The following TAF1 variants were observed in gnomAD, a reference collection of about 807,000 sequenced individuals.
TAF1 encodes transcription initiation factor TFIID subunit 1.
Under a neutral mutation model 138.5 loss-of-function variants are expected in TAF1, and 2 were observed. That is an observed-to-expected ratio of 0.01 (90% CI 0.01 to 0.05). The LOEUF (loss-of-function observed/expected upper bound fraction) is 0.05, where lower values mean the gene tolerates loss of function less well. Among genes scored for constraint, TAF1 ranks in the 10% least tolerant of loss-of-function variants. TAF1 has a pLI of 1.00. For synonymous variants in TAF1, 437 were observed against 503.2 expected (o/e 0.87, Z 1.76); for missense variants, 709 against 1,478.0 (o/e 0.48, Z 8.53).
At chrX:71,402,595 C>T (rs1391215348) in intron 25 of TAF1, among the ~76,000 whole-genome samples, 1 of 112,144 alleles carries the variant, frequency 8.9e-6, no homozygotes, top group African/African-American at 3.2e-5. Flanking sequence ...AGAAACTGTG[C>T]TTATACTTGT....
intron 32 of TAF1, among the ~76,000 whole-genome samples, chrX:71,452,279 G>A (rs2038028714): frequency 9.0e-6 from 1 of 110,744 alleles, no homozygotes; most frequent in Non-Finnish European, 1.9e-5. Flanking sequence ...CGGCTGCCGG[G>A]CGGAGGGGCT....
intron 13 of TAF1, among the ~76,000 whole-genome samples, chrX:71,504,741 CAAAAAA>C (rs41370846): frequency 4.2e-3 from 24 of 5,681 alleles, no homozygotes; most frequent in African/African-American, 9.6e-3. Context: ...GACCCTGTCT[CAAAAAA>C]AAAAAAAAAA....
In TAF1 at chrX:71,460,756, G is replaced by C. The variant is rs749334801; in HGVS notation, c.5352G>C (p.Glu1784Asp). The change falls in exon 37 of 38, where the codon GAG becomes GAC. Residue 1784 changes from glutamate (E) to aspartate (D), a missense_variant. By Grantham distance (45) the Glu-to-Asp change is conservative. This residue lies in a region of TAF1 where 123 missense variants were observed against 174.7 expected (regional missense o/e 0.70). Transcript: ENST00000423759. Reference sequence around the variant, plus strand: ...ATGAAGAAAGCATGATGTCCTATGAGGGAGACGGTGGGGAGGCTTCCCATG... The same window carrying C: ...ATGAAGAAAGCATGATGTCCTATGACGGAGACGGTGGGGAGGCTTCCCATG... The part of the protein sequence containing the change: ...MENEESMMSY[E>D]GDGGEASHGL... 2.5e-6 allele frequency: 3 copies of C among 1,200,719 alleles called. No homozygotes were observed. Among genetic ancestry groups the C allele is most frequent in the Non-Finnish European group, 3.4e-6 (3 of 889,390 alleles).
intron 32 of TAF1, among the ~76,000 whole-genome samples, chrX:71,429,151 T>C (rs899845547): frequency 9.1e-6 from 1 of 110,214 alleles, no homozygotes; most frequent in Non-Finnish European, 1.9e-5. Context: ...GGCGGGCGCC[T>C]GTAGTCCCAG....
intron 32 of TAF1, among the ~76,000 whole-genome samples, chrX:71,430,328 G>A (rs781686138): frequency 2.9e-5 from 3 of 104,983 alleles, no homozygotes; most frequent in African/African-American, 1.1e-4. Context: ...AGCTTGCTGT[G>A]AGCCGAGATC....
At chrX:71,519,322 C>CA (rs771786502) in intron 13 of TAF1, among the ~76,000 whole-genome samples, 63 of 56,931 alleles carry the variant, frequency 1.1e-3, no homozygotes, top group Middle Eastern at 0.011. Context: ...GACTCCGTCT[C>CA]AAAAAAAAAA....
In TAF1 at chrX:71,471,462, T is replaced by C. The variant is rs1306633903; in HGVS notation, c.1366+10659T>C. On this transcript the variant is annotated intron_variant and NMD_transcript_variant, in intron 13 of 14. Coordinates refer to the TAF1 transcript ENST00000373775. ...TCTACATAGTTTATGAAATGGTCACTTTTTTTTTTTTTTTTTTTTGGTGAC... is the reference window on the plus strand; with the variant it reads ...TCTACATAGTTTATGAAATGGTCACCTTTTTTTTTTTTTTTTTTTGGTGAC... Among the ~76,000 whole-genome samples, 3 of 78,016 alleles carry C rather than the reference T, an allele frequency of 3.8e-5. No homozygotes were observed. In the East Asian group the frequency reaches 1.1e-3, roughly 28 times the overall value. The allele number at this position is 78,016 out of a possible 115,157, so 67.7% of individuals were successfully genotyped here. A position where few individuals can be genotyped will look rare whatever the true frequency, so the allele number is the denominator to read the frequency against.
chrX:71,438,783 T>C lies in TAF1; in HGVS notation c.4753+14545T>C, dbSNP rs185262612. 8.4e-3 allele frequency among the ~76,000 whole-genome samples: 933 copies of C among 111,401 alleles called. 13 individuals carry two copies. The highest frequency in any genetic ancestry group is 0.029 in the African/African-American group (892 of 30,658). On this transcript the variant is annotated intron_variant, in intron 32 of 37. Coordinates refer to ENST00000423759, the MANE Select transcript of TAF1 (RefSeq NM_004606.5). Reference sequence around the variant, plus strand: ...TTCGAGAGCAGCCTGGCCAACATGGTGAAACCCCGTCTTCACTAAAAATAC... The same window carrying C: ...TTCGAGAGCAGCCTGGCCAACATGGCGAAACCCCGTCTTCACTAAAAATAC...
intron 26 of TAF1, 64 bp downstream of exon 26, chrX:71,406,810 C>T (rs899983685): frequency 1.1e-6 from 1 of 934,010 alleles, no homozygotes; most frequent in Non-Finnish European, 1.5e-6. Context: ...GCCCTGTATG[C>T]CACAGCTCTG....
At chrX:71,524,645 TAA>T (rs1184243073) in intron 13 of TAF1, among the ~76,000 whole-genome samples, 10 of 94,807 alleles carry the variant, frequency 1.1e-4, no homozygotes, top group Non-Finnish European at 6.4e-5. Flanking sequence ...ATCCTGTTTC[TAA>T]AAAAAAAAAA....
chrX:71,473,974 G>A (rs779705329), intron 13 of TAF1, among the ~76,000 whole-genome samples: 4 of 110,692 alleles, frequency 3.6e-5, no homozygotes, highest in Non-Finnish European at 5.7e-5. Context: ...GTGAAACTAC[G>A]TCTCTATTAA....
chrX:71,455,098 T>G, intron 34 of TAF1: 2 of 1,098,713 alleles, frequency 1.8e-6, no homozygotes, highest in Non-Finnish European at 2.4e-6. Context: ...CTTAGTTGTT[T>G]AGGCAGTGTT....
At chrX:71,453,156 T>A (rs1274540892) in intron 32 of TAF1, among the ~76,000 whole-genome samples, 1 of 110,729 alleles carries the variant, frequency 9.0e-6, no homozygotes, top group East Asian at 2.9e-4. Context: ...TCCAGACCAG[T>A]TGGTTTGTTT....
intron 13 of TAF1, among the ~76,000 whole-genome samples, chrX:71,524,940 CAAA>C (rs372754714): frequency 5.4e-5 from 3 of 55,424 alleles, no homozygotes; most frequent in Admixed American, 1.9e-4. Flanking sequence ...GACTCTGTCT[CAAA>C]AAAAAAAAAA....
At chrX:71,380,688 GA>G (rs373398645) in intron 8 of TAF1, among the ~76,000 whole-genome samples, 79 of 112,032 alleles carry the variant, frequency 7.1e-4, no homozygotes, top group African/African-American at 2.3e-3. Flanking sequence ...TATTTTGGAG[GA>G]AAAACAAAAT....
At chrX:71,466,996 G>A (rs1002337930), downstream of TAF1, among the ~76,000 whole-genome samples, 1 of 98,374 alleles carries the variant, frequency 1.0e-5, no homozygotes, top group African/African-American at 3.7e-5. Flanking sequence ...GTAGGAACAA[G>A]AATGCTTCAC....
intron 9 of TAF1, 138 bp from the exon 10 acceptor site, chrX:71,382,398 G>T (rs776235378): frequency 7.1e-6 from 6 of 841,810 alleles, no homozygotes; most frequent in African/African-American, 2.1e-5. Context: ...AAGTTACCTG[G>T]GGGGGGGTGG....
intron 8 of TAF1, among the ~76,000 whole-genome samples, chrX:71,380,610 T>C (rs187425157): frequency 1.4e-4 from 16 of 111,103 alleles, no homozygotes; most frequent in Non-Finnish European, 3.0e-4. Context: ...AAACAACATA[T>C]ATGATATCCT....
chrX:71,368,337 C>CT (rs2032726016), intron 3 of TAF1, among the ~76,000 whole-genome samples, 167 bp downstream of exon 3: 1 of 111,846 alleles, frequency 8.9e-6, no homozygotes, highest in African/African-American at 3.2e-5. Context: ...TAGCTGCTAT[C>CT]TTTTTTTGTG....
Sources: gnomAD v4.1 joint callset for allele counts (sites outside exome capture counted in the v4.1 genomes callset) on GRCh38, gnomAD v4.1.1 for gene constraint, gnomAD v4.1.1 regional missense constraint, MANE v1.5 for transcripts, NCBI Gene and HGNC (gene_info 2026-07-23, HGNC 2026-07-21) for gene names.